Variants in MUC4 observed in about 807,000 individuals in gnomAD.
MUC4 encodes the protein mucin-4.
MUC4 carries 202 observed loss-of-function variants against 257.9 expected under a neutral mutation model. The ratio of observed to expected loss-of-function variants is 0.78; its 90% confidence interval spans 0.70 to 0.88. The LOEUF is 0.88. Among genes scored for constraint, MUC4 ranks in the 40% least tolerant of loss-of-function variants. MUC4 has a pLI of 0.00. For missense variants in MUC4, 5,976 were observed against 6,513.7 expected, an observed-to-expected ratio of 0.92 and a Z score of 2.84; for synonymous variants, 2,351 against 2,757.1, an observed-to-expected ratio of 0.85 and a Z score of 4.62.
chr3:195,770,764 G>T (rs1722624193), intron 5 of MUC4: 2 of 435,022 alleles, frequency 4.6e-6, no homozygotes, highest in Admixed American at 2.5e-5. Context: ...CGTGGCAGGG[G>T]CACGGTCCAC....
At chr3:195,794,375 G>T (rs28363805) in intron 1 of MUC4, among the ~76,000 whole-genome samples, 26,980 of 90,480 alleles carry the variant, frequency 0.3, 2,484 homozygotes, top group Middle Eastern at 0.4. Context: ...TATATATATA[G>T]AGAGAGAGAG....
chr3:195,790,987 T>C lies in MUC4; in HGVS notation c.593A>G (p.His198Arg), dbSNP rs1392227330. Residue 198 changes from histidine (H) to arginine (R), a missense_variant, in exon 2 of 25, where the codon CAC becomes CGC. Coordinates refer to ENST00000463781, the MANE Select transcript of MUC4 (RefSeq NM_018406.7). ...GGTGGTCTGCGTGCTCCGAGTCCAGTGGTTCTGAGAAGAAGCTGATGTGTC... is the reference window on the plus strand; with the variant it reads ...GGTGGTCTGCGTGCTCCGAGTCCAGCGGTTCTGAGAAGAAGCTGATGTGTC... ...IQDTSASSQNHWTRSTQTTRE... is the reference protein window; with the variant it reads ...IQDTSASSQNRWTRSTQTTRE... 2 of 1,613,952 alleles carry C rather than the reference T, an allele frequency of 1.2e-6. No homozygotes were observed. The highest frequency in any genetic ancestry group is 2.2e-5 in the South Asian group (2 of 91,074).
chr3:195,747,251 G>T lies in MUC4; in HGVS notation c.16164C>A (p.Phe5388Leu). Reference sequence around the variant, plus strand: ...AGCAACCCCAGAAGCGCAGGACCACGAACGTCCCGACCCCCAGCAGCAAGA... The same window carrying T: ...AGCAACCCCAGAAGCGCAGGACCACTAACGTCCCGACCCCCAGCAGCAAGA... ...GGLLLLGVGTFVVLRFWGCSG... is the reference protein window; with the variant it reads ...GGLLLLGVGTLVVLRFWGCSG... The change falls in exon 25 of 25, where the codon TTC becomes TTA. Residue 5388 changes from phenylalanine to leucine, a missense_variant. Phe to Leu is a conservative substitution (Grantham distance 22). Around this residue, in one of 44 missense-constraint regions of MUC4, gnomAD observed 310 missense variants for 242.1 expected, o/e 1.28. Coordinates refer to ENST00000463781, the MANE Select transcript of MUC4 (RefSeq NM_018406.7). 1 of 1,614,242 alleles carries T rather than the reference G, an allele frequency of 6.2e-7. No homozygotes were observed. Among genetic ancestry groups the T allele is most frequent in the African/African-American group, 1.3e-5 (1 of 75,074 alleles).
In MUC4 at chr3:195,765,969, C is replaced by A. The variant is rs944271370; in HGVS notation, c.13619-520G>T. 6.6e-5 allele frequency among the ~76,000 whole-genome samples: 10 copies of A among 152,188 alleles called. 1 individual carries two copies. Among genetic ancestry groups the A allele is most frequent in the Admixed American group, 2.0e-4 (3 of 15,292 alleles). On this transcript the variant is annotated intron_variant, in intron 8 of 24. Transcript: ENST00000463781. Reference sequence around the variant, plus strand: ...CCCCCGGGCCTCTTCTTGGTGGATTCTCTCTTTTTGAGATGGAGTCTCACT... The same window carrying A: ...CCCCCGGGCCTCTTCTTGGTGGATTATCTCTTTTTGAGATGGAGTCTCACT...
At chr3:195,773,886 C>T (rs952022509) in intron 4 of MUC4, among the ~76,000 whole-genome samples, 4 of 152,250 alleles carry the variant, frequency 2.6e-5, no homozygotes, top group African/African-American at 4.8e-5. Flanking sequence ...GGGCCAGAGA[C>T]AAATCCCAGA....
At chr3:195,778,652 C>G in intron 2 of MUC4, 138 bp downstream of exon 2, 1 of 1,256,010 alleles carries the variant, frequency 8.0e-7, no homozygotes, top group Non-Finnish European at 1.1e-6. Context: ...CCCACCACAC[C>G]CATCACCTCC....
Position 195,754,308 on chromosome 3 carries a change from C to A in MUC4, c.15233G>T (p.Cys5078Phe). The A allele has an allele frequency of 6.2e-7, 1 of 1,613,538 alleles. No homozygotes were observed. Among genetic ancestry groups the A allele is most frequent in the South Asian group, 1.1e-5 (1 of 91,016 alleles). ...GRYCEGSEDA[C>F]EEPCFPSVHC... ...GACACTCGGGAAGCACGGCTCCTCA[C>A]AGGCATCCTCGGAGCCCTCGCAGTA... Residue 5078 changes from cysteine (C) to phenylalanine (F), a missense_variant, in exon 19 of 25, where the codon TGT (cysteine) becomes TTT (phenylalanine). Cys to Phe is a radical substitution (Grantham distance 205). This residue lies in a region of MUC4 where 996 missense variants were observed against 1,137.3 expected (regional missense o/e 0.88). Coordinates refer to ENST00000463781, the MANE Select transcript of MUC4 (RefSeq NM_018406.7).
chr3:195,767,817 CCACCACCACCACCAT>C (rs1225292367), intron 7 of MUC4, among the ~76,000 whole-genome samples: 38 of 95,294 alleles, frequency 4.0e-4, no homozygotes, highest in African/African-American at 1.2e-3. Context: ...ACCACCATCA[CCACCACCACCACCAT>C]CACCACCACC....
Position 195,765,141 on chromosome 3 carries a change from C to T in MUC4, c.13799-19G>A. On this transcript the variant is annotated intron_variant, in intron 9 of 24. Transcript: ENST00000463781. ...CAGCGACCTGAAACAAGTCCAGTCC[C>T]ACTCAGGCCCAGGCTGGGGCTGCCA... 8 of 1,607,206 alleles carry T rather than the reference C, an allele frequency of 5.0e-6. No homozygotes were observed. Among genetic ancestry groups the T allele is most frequent in the Non-Finnish European group, 6.8e-6 (8 of 1,175,668 alleles).
At chr3:195,803,088 G>A (rs1229216722) in intron 1 of MUC4, among the ~76,000 whole-genome samples, 1 of 152,072 alleles carries the variant, frequency 6.6e-6, no homozygotes. Flanking sequence ...TGCGAGGATC[G>A]AATTATATGT....
In MUC4 at chr3:195,750,983, C is replaced by T. The variant is rs182298170; in HGVS notation, c.15777G>A (p.Ala5259=). The T allele has an allele frequency of 3.3e-5, 54 of 1,613,986 alleles. No homozygotes were observed. Among genetic ancestry groups the T allele is most frequent in the Admixed American group, 1.0e-4 (6 of 60,006 alleles). ...NNQLLAAVVE[A]FLYHVPRRSE... ...TCCTCCGTGGAACGTGGTATAAGAA[C>T]GCCTCCACCACCGCGGCCAGCAGCT... The change falls in exon 23 of 25, where the codon GCG becomes GCA. Residue 5259 remains alanine (A), a synonymous_variant. Coordinates refer to ENST00000463781, the MANE Select transcript of MUC4 (RefSeq NM_018406.7).
intron 1 of MUC4, among the ~76,000 whole-genome samples, chr3:195,804,119 G>A (rs560539931): frequency 5.9e-5 from 9 of 152,202 alleles, no homozygotes; most frequent in Admixed American, 2.6e-4. Context: ...ATCCAGGGAC[G>A]AGGAGGGCAC....
chr3:195,765,011 C>G lies in MUC4; in HGVS notation c.13910G>C (p.Arg4637Pro). The G allele has an allele frequency of 6.2e-7, 1 of 1,613,872 alleles. No individual in the cohort carries two copies. The highest frequency in any genetic ancestry group is 8.5e-7 in the Non-Finnish European group (1 of 1,179,986). ...GEFREGWHVQ[R>P]PWQLAQELEP... ...GACTCACGCACCCAACTGCCAAGGACGCTGCACGTGCCAGCCTTCACGAAA... is the reference window on the plus strand; with the variant it reads ...GACTCACGCACCCAACTGCCAAGGAGGCTGCACGTGCCAGCCTTCACGAAA... Residue 4637 changes from arginine (R) to proline (P), a missense_variant, in exon 10 of 25, where the codon CGT (arginine) becomes CCT (proline). By Grantham distance (103) the Arg-to-Pro change is moderately radical (BLOSUM62 -2). Coordinates refer to ENST00000463781, the MANE Select transcript of MUC4 (RefSeq NM_018406.7).
rs751588975 is a variant in MUC4, at chr3:195,747,385, T to C, written c.16035-5A>G. ...TAGATGGAGAAGGACACACAGCTGG[T>C]GACCAAGAGAGACAGACAGGCGGTC... On this transcript the variant is annotated splice_region_variant and splice_polypyrimidine_tract_variant and intron_variant, in intron 24 of 24. Transcript: ENST00000463781. 2.5e-6 allele frequency: 4 copies of C among 1,613,530 alleles called. No homozygotes were observed. The Admixed American group carries it at 6.7e-5, about 27-fold the overall frequency.
At position 195,789,727 on chromosome 3, in the gene MUC4, T is replaced by G; in HGVS notation, c.1853A>C (p.His618Pro). Residue 618 changes from histidine to proline, a missense_variant, in exon 2 of 25, where the codon CAT becomes CCT. This residue lies in a region of MUC4 where 1,583 missense variants were observed against 1,257.4 expected (regional missense o/e 1.26). Coordinates refer to ENST00000463781, the MANE Select transcript of MUC4 (RefSeq NM_018406.7). ...GGTGCTTGTGGAATGTATTGTTGAA[T>G]GATTTGTTGATGGTGCCGTTGTAAT... ...QQITTAPSTN[H>P]STIHSTSTSP... 6.2e-7 allele frequency: 1 copy of G among 1,613,942 alleles called. No homozygotes were observed. The highest frequency in any genetic ancestry group is 8.5e-7 in the Non-Finnish European group (1 of 1,179,846).
In MUC4 at chr3:195,782,613, G is replaced by A. The variant is rs1189438020; in HGVS notation, c.8967C>T (p.His2989=). ...DTDTSSASTG[H]ATLLPVTDTS... The stretch of plus-strand genomic sequence containing the variant: ...TGTCGGTGACAGGAAGAAGGGTGGC[G>A]TGACCTGTGGATGCTGAGGAAGTGT... Residue 2989 remains histidine, a synonymous_variant, in exon 2 of 25, where the codon CAC becomes CAT. Transcript: ENST00000463781. 42 of 905,744 alleles carry A rather than the reference G, an allele frequency of 4.6e-5. 2 individuals are homozygous for A. The highest frequency in any genetic ancestry group is 5.7e-5 in the Non-Finnish European group (36 of 635,940). 56.1% of individuals were successfully genotyped at this position (905,744 alleles called of 1,614,324 possible).
chr3:195,765,830 G>A (rs1035129051), intron 8 of MUC4, among the ~76,000 whole-genome samples: 5 of 152,178 alleles, frequency 3.3e-5, no homozygotes, highest in South Asian at 2.1e-4. Context: ...CTTTCTACCC[G>A]CATGAAAGCT....
At chr3:195,764,791 G>A (rs1480468462) in intron 10 of MUC4, among the ~76,000 whole-genome samples, 3 of 152,122 alleles carry the variant, frequency 2.0e-5, no homozygotes, top group African/African-American at 4.8e-5. Context: ...TGTGGAGCCA[G>A]GTATAGAGAT....
In MUC4 at chr3:195,788,684, A is replaced by T; in HGVS notation, c.2896T>A (p.Phe966Ile). ...TLSPSGSGKT[F>I]TTALISNATP... Reference sequence around the variant, plus strand: ...GCGTTGCTGATGAGGGCCGTGGTGAAGGTTTTACCAGACCCTGAAGGTGAC... The same window carrying T: ...GCGTTGCTGATGAGGGCCGTGGTGATGGTTTTACCAGACCCTGAAGGTGAC... The change falls in exon 2 of 25, where the codon TTC becomes ATC. Residue 966 changes from phenylalanine (F) to isoleucine (I), a missense_variant. Physicochemically the swap from Phe to Ile is conservative, Grantham distance 21 (BLOSUM62 0). Around this residue, in one of 44 missense-constraint regions of MUC4, gnomAD observed 1,583 missense variants for 1,257.4 expected, o/e 1.26. Transcript: ENST00000463781. The T allele has an allele frequency of 1.2e-6, 2 of 1,600,772 alleles. No individual in the cohort carries two copies. The highest frequency in any genetic ancestry group is 2.2e-5 in the East Asian group (1 of 44,870).
Sources: allele counts gnomAD v4.1 joint callset (sites outside exome capture counted in the v4.1 genomes callset), GRCh38; gene constraint gnomAD v4.1.1; regional missense constraint gnomAD v4.1.1; transcripts MANE v1.5; gene names NCBI Gene and HGNC (gene_info 2026-07-23, HGNC 2026-07-21).